SPAG16: variants seen among roughly 807,000 people sequenced by gnomAD.
SPAG16 encodes the protein sperm associated antigen 16, also known as sperm-associated antigen 16 protein.
A neutral mutation model predicts 80.4 loss-of-function variants in SPAG16; 86 were observed. The observed-to-expected ratio is 1.07, with a 90% CI of 0.90 to 1.28. SPAG16 has a LOEUF of 1.28. SPAG16 is among the 50% of genes most tolerant of loss of function. The pLI is 0.00. For missense variants in SPAG16, 870 were observed against 765.3 expected (o/e 1.14, Z -1.61); for synonymous variants, 294 against 265.9 (o/e 1.11, Z -1.03).
chr2:214,381,999 G>C (rs564394656), intron 15 of SPAG16, among the ~76,000 whole-genome samples: 1 of 152,298 alleles, frequency 6.6e-6, no homozygotes, highest in East Asian at 1.9e-4. Context: ...AAAAGGTTAA[G>C]TGATCCATAA....
At position 213,303,665 on chromosome 2, in the gene SPAG16, A is replaced by G. The variant is rs538288573; in HGVS notation, c.279+6308A>G. Among the ~76,000 whole-genome samples, 3 of 152,210 alleles carry G rather than the reference A, an allele frequency of 2.0e-5. No individual in the cohort carries two copies. The South Asian group carries it at 6.2e-4, about 32-fold the overall frequency. ...TCTGTGCCTGACTTATTCCACTTAC[A>G]TAATGATGTCCAGGCCCATCCATGT... is the stretch of plus-strand genomic sequence containing the variant. On this transcript the variant is annotated intron_variant, in intron 3 of 15. Coordinates refer to ENST00000331683, the MANE Select transcript of SPAG16 (RefSeq NM_024532.5).
intron 13 of SPAG16, among the ~76,000 whole-genome samples, chr2:214,090,246 A>T (rs903572945): frequency 8.6e-5 from 13 of 151,996 alleles, no homozygotes; most frequent in African/African-American, 3.1e-4. Flanking sequence ...AAGAAGAATG[A>T]TAATAAGAAC....
chr2:213,692,410 T>A (rs1324822071), intron 10 of SPAG16, among the ~76,000 whole-genome samples: 2 of 152,168 alleles, frequency 1.3e-5, no homozygotes, highest in Admixed American at 1.3e-4. Context: ...ATACATAAAA[T>A]ATATTAAGAA....
At chr2:214,076,154 C>A (rs1387145588) in intron 13 of SPAG16, among the ~76,000 whole-genome samples, 1 of 151,956 alleles carries the variant, frequency 6.6e-6, no homozygotes, top group Non-Finnish European at 1.5e-5. Context: ...TATGGATAAC[C>A]CAAAAATCGT....
At chr2:213,933,191 G>T (rs2078843820) in intron 12 of SPAG16, among the ~76,000 whole-genome samples, 1 of 151,292 alleles carries the variant, frequency 6.6e-6, no homozygotes, top group African/African-American at 2.4e-5. Context: ...TCAGAAAATA[G>T]CTATAAAAAA....
At chr2:213,331,091 A>G (rs2064081427) in intron 5 of SPAG16, among the ~76,000 whole-genome samples, 1 of 152,170 alleles carries the variant, frequency 6.6e-6, no homozygotes, top group East Asian at 1.9e-4. Flanking sequence ...CTCTCCATCT[A>G]TCAGGGGTAG....
At chr2:213,370,135 C>G (rs2066550869) in intron 8 of SPAG16, among the ~76,000 whole-genome samples, 1 of 152,124 alleles carries the variant, frequency 6.6e-6, no homozygotes, top group African/African-American at 2.4e-5. Flanking sequence ...GGACTATGCA[C>G]AAGGATGTTT....
chr2:213,806,698 C>T (rs980892715), intron 10 of SPAG16, among the ~76,000 whole-genome samples: 3 of 151,962 alleles, frequency 2.0e-5, no homozygotes, highest in African/African-American at 7.2e-5. Flanking sequence ...ATGCTGAGTA[C>T]AAACCAAAGA....
intron 9 of SPAG16, among the ~76,000 whole-genome samples, chr2:213,479,366 A>G (rs1028154352): frequency 5.3e-5 from 8 of 152,080 alleles, no homozygotes; most frequent in Admixed American, 2.6e-4. Context: ...TGCATTTTTA[A>G]TCTAACATTT....
intron 13 of SPAG16, among the ~76,000 whole-genome samples, chr2:214,102,107 T>C (rs2053078198): frequency 8.5e-6 from 1 of 117,982 alleles, no homozygotes. Context: ...CTGGTGAGGG[T>C]GGTTTTTTGT....
At chr2:214,332,510 T>G (rs1249415284) in intron 15 of SPAG16, among the ~76,000 whole-genome samples, 1 of 152,128 alleles carries the variant, frequency 6.6e-6, no homozygotes, top group Non-Finnish European at 1.5e-5. Flanking sequence ...TTGAAGACAT[T>G]AGCATGTAAT....
chr2:213,326,741 A>C (rs1350186970), intron 5 of SPAG16, among the ~76,000 whole-genome samples: 1 of 152,044 alleles, frequency 6.6e-6, no homozygotes, highest in Non-Finnish European at 1.5e-5. Context: ...GCAGGTAAAC[A>C]AGAAAATGTT....
intron 10 of SPAG16, among the ~76,000 whole-genome samples, chr2:213,781,498 C>A (rs2069966708): frequency 6.6e-6 from 1 of 152,066 alleles, no homozygotes; most frequent in Non-Finnish European, 1.5e-5. Flanking sequence ...TCTCCTAACC[C>A]CTCCCCTGCC....
intron 3 of SPAG16, among the ~76,000 whole-genome samples, chr2:213,300,403 A>G (rs2062692800): frequency 6.6e-6 from 1 of 152,226 alleles, no homozygotes; most frequent in Admixed American, 6.5e-5. Flanking sequence ...ATGTATCAAT[A>G]GTTCTCAAAG....
chr2:213,652,434 A>G (rs2063057230), intron 10 of SPAG16, among the ~76,000 whole-genome samples: 1 of 152,160 alleles, frequency 6.6e-6, no homozygotes, highest in South Asian at 2.1e-4. Flanking sequence ...TTTTTTGAAC[A>G]TGCTTTAATA....
At chr2:213,342,228 T>G (rs1236104277) in intron 6 of SPAG16, among the ~76,000 whole-genome samples, 1 of 150,924 alleles carries the variant, frequency 6.6e-6, no homozygotes, top group Admixed American at 6.6e-5. Context: ...TTTATGAATA[T>G]GTAATGTTTA....
chr2:213,339,900 A>G (rs1445280345), intron 5 of SPAG16, among the ~76,000 whole-genome samples: 8 of 152,140 alleles, frequency 5.3e-5, no homozygotes. Context: ...CTGGCAGCAT[A>G]CCTTTAATTT....
rs949719975 is a variant in SPAG16 at position 214,061,774 on chromosome 2, C to T, written c.1528-46422C>T. Reference sequence around the variant, plus strand: ...TCACCATACTCAGTATTTTACAGTACTCAGAAGTTGCTTCAGTAGTGAGGA... The same window carrying T: ...TCACCATACTCAGTATTTTACAGTATTCAGAAGTTGCTTCAGTAGTGAGGA... On this transcript the variant is annotated intron_variant, in intron 13 of 15. Transcript: ENST00000331683. Among the ~76,000 whole-genome samples the T allele has an allele frequency of 1.3e-5, 2 of 152,026 alleles. 1 individual carries two copies. Among genetic ancestry groups the T allele is most frequent in the Non-Finnish European group, 2.9e-5 (2 of 68,002 alleles).
intron 10 of SPAG16, among the ~76,000 whole-genome samples, chr2:213,717,677 T>G (rs1335823771): frequency 1.3e-5 from 2 of 152,164 alleles, no homozygotes; most frequent in Non-Finnish European, 2.9e-5. Context: ...CTGTTCACTA[T>G]GTTAGACATC....
Sources: gnomAD v4.1 joint callset for allele counts (sites outside exome capture counted in the v4.1 genomes callset) on GRCh38, gnomAD v4.1.1 for gene constraint, MANE v1.5 for transcripts, NCBI Gene and HGNC (gene_info 2026-07-23, HGNC 2026-07-21) for gene names.